SEPTIN8: variants seen among roughly 807,000 people sequenced by gnomAD.
The protein encoded by SEPTIN8 is septin 8, also known as septin-8.
In SEPTIN8, 22 loss-of-function variants were observed where a neutral mutation model predicts 53.1. The ratio of observed to expected loss-of-function variants is 0.41; its 90% CI spans 0.30 to 0.59. SEPTIN8 has a LOEUF of 0.59. SEPTIN8 is among the 20% of genes least tolerant of loss of function. SEPTIN8 has a pLI of 0.24. For synonymous variants in SEPTIN8, 228 were observed against 248.4 expected (o/e 0.92, Z 0.77); for missense variants, 536 against 638.7 (o/e 0.84, Z 1.73).
chr5:132,758,970 C>A, intron 9 of SEPTIN8: 1 of 815,950 alleles, frequency 1.2e-6, no homozygotes, highest in South Asian at 1.4e-5. Flanking sequence ...GCAGAGAATT[C>A]ACCTCAGTTT....
upstream of SEPTIN8, chr5:132,777,772 G>T (rs1041346544): frequency 1.0e-6 from 1 of 985,346 alleles, no homozygotes; most frequent in African/African-American, 1.7e-5. This position sits in a 1 kb window ranked among gnomAD's most constrained non-coding sequence, Gnocchi z 4.1. Context: ...TGCTCCGGCC[G>T]GAGCTAAGGC....
At chr5:132,754,397 A>C (rs1755146715) in intron 9 of SEPTIN8, 1 of 717,316 alleles carries the variant, frequency 1.4e-6, no homozygotes, top group South Asian at 1.5e-5. Flanking sequence ...GCAGAAGGAC[A>C]TCCTGAGGGC....
chr5:132,762,549 C>T lies in SEPTIN8; in HGVS notation c.631G>A (p.Gly211Arg), dbSNP rs769950221. 34 of 1,614,200 alleles carry T rather than the reference C, an allele frequency of 2.1e-5. No homozygotes were observed. The highest frequency in any genetic ancestry group is 1.1e-4 in the East Asian group (5 of 44,890). ...GTGGGGAACTGGTAGATCTGGACCC[C>T]GTTGCTGACCAACTCGCCCATGATC... ...IKIMGELVSNGVQIYQFPTDD... is the reference protein window; with the variant it reads ...IKIMGELVSNRVQIYQFPTDD... Residue 211 changes from glycine to arginine, a missense_variant, in exon 5 of 10, where the codon GGG becomes AGG. Around this residue, in one of 3 missense-constraint regions of SEPTIN8, gnomAD observed 395 missense variants for 451.8 expected, o/e 0.87. Transcript: ENST00000378719.
intron 9 of SEPTIN8, chr5:132,757,396 T>C (rs1482882899): frequency 1.0e-6 from 1 of 985,162 alleles, no homozygotes; most frequent in Non-Finnish European, 1.2e-6. Context: ...GAACATCATC[T>C]CAGGAAGGCA....
At chr5:132,777,596 G>C (rs1016350116), upstream of SEPTIN8, 7 of 980,514 alleles carry the variant, frequency 7.1e-6, no homozygotes, top group African/African-American at 1.2e-4. The surrounding 1 kb of genome is among the most constrained non-coding windows in gnomAD (Gnocchi z 4.1). Flanking sequence ...GGGAAGTGGG[G>C]CACGGCGTGC....
chr5:132,773,555 C>A lies in SEPTIN8; in HGVS notation c.30+3553G>T, dbSNP rs1169928417. Among the ~76,000 whole-genome samples the A allele has an allele frequency of 6.6e-6, 1 of 152,234 alleles. No homozygotes were observed. The highest frequency in any genetic ancestry group is 1.5e-5 in the Non-Finnish European group (1 of 68,050). ...GGAATTTGGATCTTGTTCCCCCTACCTTTGCTAGCCAATGACCAAAGTCTG... is the reference window on the plus strand; with the variant it reads ...GGAATTTGGATCTTGTTCCCCCTACATTTGCTAGCCAATGACCAAAGTCTG... On this transcript the variant is annotated intron_variant, in intron 1 of 9. Transcript: ENST00000378719. This position sits in a 1 kb window ranked among gnomAD's most constrained non-coding sequence, Gnocchi z 4.2.
At chr5:132,778,544 GTT>G (rs1757967481), upstream of SEPTIN8, among the ~76,000 whole-genome samples, 1 of 152,172 alleles carries the variant, frequency 6.6e-6, no homozygotes, top group Non-Finnish European at 1.5e-5. Flanking sequence ...CTATGTTGCT[GTT>G]TCCCATGCTG....
At chr5:132,753,491 G>T (rs1755040829) in intron 9 of SEPTIN8, 3 of 157,722 alleles carry the variant, frequency 1.9e-5, no homozygotes, top group African/African-American at 7.2e-5. Flanking sequence ...CCTCACATGG[G>T]ACAGTCTCTG....
chr5:132,770,006 T>TACAC (rs1480547349), intron 1 of SEPTIN8, among the ~76,000 whole-genome samples: 2 of 67,720 alleles, frequency 3.0e-5, no homozygotes, highest in East Asian at 2.7e-4. Flanking sequence ...TATATATATA[T>TACAC]ATATATATAT....
intron 9 of SEPTIN8, among the ~76,000 whole-genome samples, chr5:132,759,364 A>G (rs1420735383): frequency 6.6e-6 from 1 of 152,188 alleles, no homozygotes; most frequent in African/African-American, 2.4e-5. Flanking sequence ...CAGGGAGACC[A>G]GACACCAGTG....
Position 132,750,947 on chromosome 5 carries a change from A to C in SEPTIN8, c.*1069T>G. ...GAGGATGGAGCTGGCTATTCTGGAC[A>C]GACTGCACTGGGACCTCTATATTGG... On this transcript the variant is annotated 3_prime_UTR_variant, in exon 10 of 10. Transcript: ENST00000378719. 2 of 1,614,276 alleles carry C rather than the reference A, an allele frequency of 1.2e-6. No individual in the cohort carries two copies. Among genetic ancestry groups the C allele is most frequent in the Non-Finnish European group, 1.7e-6 (2 of 1,180,042 alleles).
intron 1 of SEPTIN8, among the ~76,000 whole-genome samples, chr5:132,770,089 GTATA>G (rs201065841): frequency 2.1e-4 from 6 of 29,158 alleles, no homozygotes; most frequent in South Asian, 1.8e-3. Flanking sequence ...ATGTATATAT[GTATA>G]TATATATGTA....
intron 9 of SEPTIN8, among the ~76,000 whole-genome samples, chr5:132,755,538 T>G (rs1031327068): frequency 2.6e-5 from 4 of 152,192 alleles, no homozygotes; most frequent in African/African-American, 7.2e-5. Flanking sequence ...TACTTAAACC[T>G]CTGTGCTTCA....
rs200144996 is a variant in SEPTIN8, at chr5:132,765,541, G to T, written c.31-12C>A. The T allele has an allele frequency of 4.8e-5, 76 of 1,578,928 alleles. No individual in the cohort carries two copies. In the East Asian group the frequency reaches 1.6e-3, roughly 33 times the overall value. ...TCTGGCTCTGCATTCTGCCAAGAGA[G>T]AAATAAAGCAAGACATGAGCCCACT... On this transcript the variant is annotated splice_polypyrimidine_tract_variant and intron_variant, in intron 1 of 9. Transcript: ENST00000378719.
At position 132,752,101 on chromosome 5, in the gene SEPTIN8, G is replaced by C. The variant is rs919625405; in HGVS notation, c.1367C>G (p.Pro456Arg). 6.2e-7 allele frequency: 1 copy of C among 1,600,914 alleles called. No homozygotes were observed. The highest frequency in any genetic ancestry group is 8.5e-7 in the Non-Finnish European group (1 of 1,173,688). Residue 456 changes from proline (P) to arginine (R), a missense_variant, in exon 10 of 10, where the codon CCC becomes CGC. Transcript: ENST00000378719. Reference sequence around the variant, plus strand: ...GGGCCACCAGCTGCTGCAGTTCAAGGGCTCCACACTGGCCTTGGTCATCAT... The same window carrying C: ...GGGCCACCAGCTGCTGCAGTTCAAGCGCTCCACACTGGCCTTGGTCATCAT... ...KVMMTKASVEPLNCSSWWPAI... is the reference protein window; with the variant it reads ...KVMMTKASVERLNCSSWWPAI...
At chr5:132,758,642 C>A in intron 9 of SEPTIN8, 2 of 1,593,056 alleles carry the variant, frequency 1.3e-6, no homozygotes, top group East Asian at 2.3e-5. Flanking sequence ...CCGCCAGGCC[C>A]GGGGCAGCCT....
chr5:132,756,342 A>G (rs926469272), intron 9 of SEPTIN8: 2 of 979,512 alleles, frequency 2.0e-6, no homozygotes, highest in Non-Finnish European at 2.4e-6. Context: ...AATTAATAGC[A>G]TCCCCTTTCT....
chr5:132,776,373 G>A lies in SEPTIN8; in HGVS notation c.30+735C>T, dbSNP rs1757793876. Among the ~76,000 whole-genome samples the A allele has an allele frequency of 6.6e-6, 1 of 152,206 alleles. No homozygotes were observed. Among genetic ancestry groups the A allele is most frequent in the South Asian group, 2.1e-4 (1 of 4,836 alleles). On this transcript the variant is annotated intron_variant, in intron 1 of 9. Transcript: ENST00000378719. This position sits in a 1 kb window ranked among gnomAD's most constrained non-coding sequence, Gnocchi z 4.4. ...GCCTTTAGTAAGTTGGCTGTCGGCA[G>A]GCTCAGGCCCAGTGAGACCCCTGCA... is the stretch of plus-strand genomic sequence containing the variant.
chr5:132,757,624 C>G, intron 9 of SEPTIN8: 2 of 985,392 alleles, frequency 2.0e-6, no homozygotes, highest in African/African-American at 3.5e-5. Context: ...GTGCCCAGCA[C>G]GGTGCTTCAA....
Sources: allele counts gnomAD v4.1 joint callset (sites outside exome capture counted in the v4.1 genomes callset), GRCh38; gene constraint gnomAD v4.1.1; regional missense constraint gnomAD v4.1.1; non-coding constraint Gnocchi (gnomAD v3.1); transcripts MANE v1.5; gene names NCBI Gene and HGNC (gene_info 2026-07-23, HGNC 2026-07-21).